P2RX4: variants seen among roughly 807,000 people sequenced by gnomAD.
The protein encoded by P2RX4 is purinergic receptor P2X 4.
In P2RX4, 37 loss-of-function variants were observed where a neutral mutation model predicts 48.0. The ratio of observed to expected loss-of-function variants is 0.77; its 90% CI spans 0.59 to 1.01. The LOEUF is 1.01. Among genes scored for constraint, P2RX4 ranks in the 50% least tolerant of loss-of-function variants. The pLI is 0.00. For synonymous variants in P2RX4, 200 were observed against 199.7 expected (o/e 1.00, Z -0.01); for missense variants, 501 against 521.4 (o/e 0.96, Z 0.38).
At position 121,218,516 on chromosome 12, in the gene P2RX4, A is replaced by G. The variant is rs376549210; in HGVS notation, c.282+1235A>G. The stretch of plus-strand genomic sequence containing the variant: ...AGATCAAGTGGAACAGGGGATTTGC[A>G]GTTGGCTGGAGGGGGCAGTCCTGTT... On this transcript the variant is annotated intron_variant, in intron 2 of 11. Coordinates refer to ENST00000337233, the MANE Select transcript of P2RX4 (RefSeq NM_002560.3). Among the ~76,000 whole-genome samples the G allele has an allele frequency of 2.6e-5, 4 of 152,156 alleles. No homozygotes were observed. The South Asian group carries it at 6.2e-4, about 24-fold the overall frequency.
rs545412697 is a variant in P2RX4 at position 121,230,292 on chromosome 12, A to G, written c.884+1193A>G. 1.2e-3 allele frequency among the ~76,000 whole-genome samples: 181 copies of G among 152,346 alleles called. 2 individuals are homozygous for G. The Middle Eastern group carries it at 0.017, about 14-fold the overall frequency. Reference sequence around the variant, plus strand: ...CAGCAACTTGGGAGGCTGAGGCAGGAGAATCGCTTGAGCCAGGGAGGCAGA... The same window carrying G: ...CAGCAACTTGGGAGGCTGAGGCAGGGGAATCGCTTGAGCCAGGGAGGCAGA... On this transcript the variant is annotated intron_variant, in intron 8 of 11. Transcript: ENST00000337233.
chr12:121,213,084 C>T (rs1885997280), intron 1 of P2RX4: 1 of 151,798 alleles, frequency 6.6e-6, no homozygotes, highest in African/African-American at 2.4e-5. Flanking sequence ...CTACTCTACA[C>T]TGAGATGTGC....
intron 2 of P2RX4, among the ~76,000 whole-genome samples, chr12:121,218,981 C>T (rs999395131): frequency 3.4e-4 from 51 of 151,388 alleles, no homozygotes; most frequent in African/African-American, 1.2e-3. Flanking sequence ...ACTGTGATCA[C>T]GCCACTGCAC....
rs1341467780 is a variant in P2RX4 at position 121,232,188 on chromosome 12, A to C, written c.885-226A>C. Among the ~76,000 whole-genome samples the C allele has an allele frequency of 2.0e-5, 3 of 152,056 alleles. No individual in the cohort carries two copies. Among genetic ancestry groups the C allele is most frequent in the African/African-American group, 7.2e-5 (3 of 41,384 alleles). The stretch of plus-strand genomic sequence containing the variant: ...AAACTGTTCAGGTTCAGGAGAGGAC[A>C]CTGGTGCTGGAGGAGGAGGTCTCCC... On this transcript the variant is annotated intron_variant, in intron 8 of 11. Coordinates refer to ENST00000337233, the MANE Select transcript of P2RX4 (RefSeq NM_002560.3). The surrounding 1 kb of genome is among the most constrained non-coding windows in gnomAD (Gnocchi z 4.3).
chr12:121,222,020 C>G, intron 3 of P2RX4, 36 bp downstream of exon 3: 1 of 1,601,452 alleles, frequency 6.2e-7, no homozygotes, highest in Non-Finnish European at 8.6e-7. Context: ...AGGCCCCACA[C>G]CCCTCTCCAC....
At chr12:121,233,395 AGGGTT>A (rs1216908187) in intron 11 of P2RX4, 123 bp from the exon 12 acceptor site, 1 of 926,542 alleles carries the variant, frequency 1.1e-6, no homozygotes, top group African/African-American at 1.6e-5. Context: ...CGGAACAGGA[AGGGTT>A]GGGTTCCAGG....
chr12:121,228,745 TCAC>T lies in P2RX4; in HGVS notation c.630_632del (p.Thr212del), dbSNP rs763883971. ...TTTAGGAGGAATATCCTTCCCAACA[TCAC>T]CACTACTTACCTCAAGTCGTGCATT... On this transcript the variant is annotated inframe_deletion, in exon 7 of 12. Coordinates refer to ENST00000337233, the MANE Select transcript of P2RX4 (RefSeq NM_002560.3). 12 of 1,613,976 alleles carry T rather than the reference TCAC, an allele frequency of 7.4e-6. No individual in the cohort carries two copies. The highest frequency in any genetic ancestry group is 1.7e-6 in the Non-Finnish European group (2 of 1,180,030).
At position 121,229,713 on chromosome 12, in the gene P2RX4, C is replaced by T. The variant is rs925789326; in HGVS notation, c.884+614C>T. 1.3e-5 allele frequency among the ~76,000 whole-genome samples: 2 copies of T among 152,210 alleles called. No homozygotes were observed. The highest frequency in any genetic ancestry group is 2.9e-5 in the Non-Finnish European group (2 of 68,036). On this transcript the variant is annotated intron_variant, in intron 8 of 11. Coordinates refer to ENST00000337233, the MANE Select transcript of P2RX4 (RefSeq NM_002560.3). The surrounding 1 kb of genome is among the most constrained non-coding windows in gnomAD (Gnocchi z 4.6). Reference sequence around the variant, plus strand: ...ACCTAAAATCCAGGCATCAGCAGGGCTGTGCTCGCTCTGAAGGCTCTGGAG... The same window carrying T: ...ACCTAAAATCCAGGCATCAGCAGGGTTGTGCTCGCTCTGAAGGCTCTGGAG...
chr12:121,223,733 G>A (rs568076776), intron 5 of P2RX4, among the ~76,000 whole-genome samples: 10 of 152,264 alleles, frequency 6.6e-5, no homozygotes, highest in African/African-American at 2.4e-4. Context: ...TGTATTGTCC[G>A]GCTGACCAAA....
In P2RX4 at chr12:121,232,004, C is replaced by CAAAAA. The variant is rs34995184; in HGVS notation, c.885-395_885-391dup. 1.8e-4 allele frequency among the ~76,000 whole-genome samples: 17 copies of CAAAAA among 94,416 alleles called. 1 individual carries two copies. In the South Asian group the frequency reaches 4.8e-3, roughly 27 times the overall value. The allele number at this position is 94,416 out of a possible 152,430, so 61.9% of individuals were successfully genotyped here. A position where few individuals can be genotyped will look rare whatever the true frequency, so the allele number is the denominator to read the frequency against. Reference sequence around the variant, plus strand: ...CTGGCAACAGAGGGAGACTCCATCTCAAAAAAAAAAAAAAAAAAAGTCCCT... The same window carrying CAAAAA: ...CTGGCAACAGAGGGAGACTCCATCTCAAAAAAAAAAAAAAAAAAAAAAAAGTCCCT... On this transcript the variant is annotated intron_variant, in intron 8 of 11. Transcript: ENST00000337233. This position sits in a 1 kb window ranked among gnomAD's most constrained non-coding sequence, Gnocchi z 4.3.
chr12:121,228,747 A>G lies in P2RX4; in HGVS notation c.628A>G (p.Thr210Ala), dbSNP rs1480023395. ...TAGGAGGAATATCCTTCCCAACATC[A>G]CCACTACTTACCTCAAGTCGTGCAT... Reference protein sequence around the residue: ...FSKRNILPNITTTYLKSCIYD... With the variant: ...FSKRNILPNIATTYLKSCIYD... Residue 210 changes from threonine to alanine, a missense_variant, in exon 7 of 12, where the codon ACC becomes GCC. This residue lies in a region of P2RX4 where 9 missense variants were observed against 26.6 expected (regional missense o/e 0.34). Coordinates refer to ENST00000337233, the MANE Select transcript of P2RX4 (RefSeq NM_002560.3). 8 of 1,613,818 alleles carry G rather than the reference A, an allele frequency of 5.0e-6. No homozygotes were observed. The South Asian group carries it at 7.7e-5, about 16-fold the overall frequency.
chr12:121,230,922 A>G (rs1469091694), intron 8 of P2RX4, among the ~76,000 whole-genome samples: 3 of 146,136 alleles, frequency 2.1e-5, no homozygotes, highest in Non-Finnish European at 4.5e-5. Context: ...TCATATATGT[A>G]TATGTATATA....
rs529229732 is a variant in P2RX4 at position 121,218,251 on chromosome 12, G to A, written c.282+970G>A. On this transcript the variant is annotated intron_variant, in intron 2 of 11. Transcript: ENST00000337233. ...GCCTGTAATCCCAGCACTTTGGGAGGCCGAGGTCGGTGTATCATGAGGTCA... is the reference window on the plus strand; with the variant it reads ...GCCTGTAATCCCAGCACTTTGGGAGACCGAGGTCGGTGTATCATGAGGTCA... Among the ~76,000 whole-genome samples the A allele has an allele frequency of 7.2e-4, 110 of 152,280 alleles. 1 individual carries two copies. Among genetic ancestry groups the A allele is most frequent in the Non-Finnish European group, 1.3e-3 (89 of 68,024 alleles).
intron 1 of P2RX4, among the ~76,000 whole-genome samples, chr12:121,212,194 G>A (rs1593194959): frequency 6.6e-6 from 1 of 152,282 alleles, no homozygotes; most frequent in East Asian, 1.9e-4. Context: ...AGCAGGTTTG[G>A]CTTCCAATAT....
At chr12:121,227,519 A>G (rs1328877847) in intron 5 of P2RX4, among the ~76,000 whole-genome samples, 2 of 152,216 alleles carry the variant, frequency 1.3e-5, no homozygotes, top group Non-Finnish European at 2.9e-5. Flanking sequence ...GGATCTGCCC[A>G]GCCTTCATTC....
chr12:121,232,842 C>A lies in P2RX4; in HGVS notation c.1045-155C>A. 1 of 854,690 alleles carries A rather than the reference C, an allele frequency of 1.2e-6. No individual in the cohort carries two copies. The highest frequency in any genetic ancestry group is 2.0e-6 in the Non-Finnish European group (1 of 501,374). The allele number at this position is 854,690 out of a possible 1,614,324, so 52.9% of individuals were successfully genotyped here. A position where few individuals can be genotyped will look rare whatever the true frequency, so the allele number is the denominator to read the frequency against. ...TCCTCCCACCTTCCCTTCTCCAAGACCACCCCCCTCAGGTCCCAGCCTTCT... is the reference window on the plus strand; with the variant it reads ...TCCTCCCACCTTCCCTTCTCCAAGAACACCCCCCTCAGGTCCCAGCCTTCT... On this transcript the variant is annotated intron_variant, in intron 10 of 11. Coordinates refer to ENST00000337233, the MANE Select transcript of P2RX4 (RefSeq NM_002560.3). This position sits in a 1 kb window ranked among gnomAD's most constrained non-coding sequence, Gnocchi z 4.3.
In P2RX4 at chr12:121,232,792, C is replaced by T. The variant is rs1056599685; in HGVS notation, c.1044+116C>T. On this transcript the variant is annotated intron_variant, in intron 10 of 11. Coordinates refer to ENST00000337233, the MANE Select transcript of P2RX4 (RefSeq NM_002560.3). The surrounding 1 kb of genome is among the most constrained non-coding windows in gnomAD (Gnocchi z 4.3). ...TGTGTTTCTAAACTTGACCCTCCTACCTTCTTTCCCTTGGCCCCCAGCCCT... is the reference window on the plus strand; with the variant it reads ...TGTGTTTCTAAACTTGACCCTCCTATCTTCTTTCCCTTGGCCCCCAGCCCT... 7.2e-6 allele frequency: 7 copies of T among 972,838 alleles called. No individual in the cohort carries two copies. In the African/African-American group the frequency reaches 9.6e-5, roughly 13 times the overall value. 60.3% of individuals were successfully genotyped at this position (972,838 alleles called of 1,614,324 possible). A position where few individuals can be genotyped will look rare whatever the true frequency, so the allele number is the denominator to read the frequency against.
intron 1 of P2RX4, 90 bp from the exon 2 acceptor site, chr12:121,217,044 A>G: frequency 1.6e-6 from 2 of 1,279,824 alleles, no homozygotes; most frequent in Non-Finnish European, 2.3e-6. Context: ...TCAACATCGT[A>G]CTTCCAGCCA....
chr12:121,212,824 A>ATATTTTT (rs370835501), intron 1 of P2RX4: 35 of 32,248 alleles, frequency 1.1e-3, no homozygotes, highest in Admixed American at 2.2e-3. Context: ...ATATATATAT[A>ATATTTTT]TTTTTTTTTT....
Sources: allele counts gnomAD v4.1 joint callset (sites outside exome capture counted in the v4.1 genomes callset), GRCh38; gene constraint gnomAD v4.1.1; regional missense constraint gnomAD v4.1.1; non-coding constraint Gnocchi (gnomAD v3.1); transcripts MANE v1.5; gene names NCBI Gene and HGNC (gene_info 2026-07-23, HGNC 2026-07-21).